PLEKHH1: variants seen among roughly 807,000 people sequenced by gnomAD.
The protein encoded by PLEKHH1 is pleckstrin homology domain-containing family H member 1.
Under a neutral mutation model 160.0 loss-of-function variants are expected in PLEKHH1, and 104 were observed. The ratio of observed to expected loss-of-function variants is 0.65; its 90% CI spans 0.55 to 0.76. The LOEUF is 0.76. PLEKHH1 is among the 30% of genes least tolerant of loss of function. The pLI is 0.00. For synonymous variants in PLEKHH1, 619 were observed against 678.4 expected (o/e 0.91, Z 1.36); for missense variants, 1,427 against 1,724.1 (o/e 0.83, Z 3.05).
Position 67,562,767 on chromosome 14 carries a change from T to G in PLEKHH1, c.1136T>G (p.Met379Arg). The change falls in exon 7 of 29, where the codon ATG becomes AGG. Residue 379 changes from methionine to arginine, a missense_variant. Physicochemically the swap from Met to Arg is moderately conservative, Grantham distance 91 (BLOSUM62 -1). Transcript: ENST00000329153. Reference protein sequence around the residue: ...RSREEPEKMEMEEPPPAGKNE... With the variant: ...RSREEPEKMEREEPPPAGKNE... ...CGGGAGGAACCAGAGAAGATGGAGATGGAGGAGCCACCCCCAGCAGGGAAG... is the reference window on the plus strand; with the variant it reads ...CGGGAGGAACCAGAGAAGATGGAGAGGGAGGAGCCACCCCCAGCAGGGAAG... 6.2e-7 allele frequency: 1 copy of G among 1,613,768 alleles called. No individual in the cohort carries two copies. The highest frequency in any genetic ancestry group is 1.6e-4 in the Middle Eastern group (1 of 6,062).
chr14:67,581,151 T>C (rs74841592), intron 23 of PLEKHH1, 113 bp downstream of exon 23: 3 of 691,422 alleles, frequency 4.3e-6, no homozygotes, highest in Non-Finnish European at 7.8e-6. Flanking sequence ...CCCACAGATA[T>C]AACACTGCCT....
rs1262587120 is a variant in PLEKHH1 at position 67,562,648 on chromosome 14, T to C, written c.1017T>C (p.His339=). Residue 339 remains histidine, a synonymous_variant, in exon 7 of 29, where the codon CAT becomes CAC. Transcript: ENST00000329153. ...ACCACAGCCAGCCCCAGGTGGGCCA[T>C]GGGCACTTTGGCCGTGTGGTGAACA... ...KRHHSQPQVG[H]GHFGRVVNIE... 5 of 1,612,792 alleles carry C rather than the reference T, an allele frequency of 3.1e-6. No homozygotes were observed. In the African/African-American group the frequency reaches 5.3e-5, roughly 17 times the overall value.
At position 67,587,332 on chromosome 14, in the gene PLEKHH1, C is replaced by T. The variant is rs2036220690; in HGVS notation, c.*97C>T. On this transcript the variant is annotated 3_prime_UTR_variant, in exon 29 of 29. Coordinates refer to ENST00000329153, the MANE Select transcript of PLEKHH1 (RefSeq NM_020715.3). ...TACTACTGTGACGGGTCTAACAGCC[C>T]CCGGCTACTCTTGTTCTGTGAAATG... 1.5e-6 allele frequency: 2 copies of T among 1,329,578 alleles called. No individual in the cohort carries two copies. The highest frequency in any genetic ancestry group is 2.3e-5 in the East Asian group (1 of 43,528). 82.4% of individuals were successfully genotyped at this position (1,329,578 alleles called of 1,614,324 possible). A position where few individuals can be genotyped will look rare whatever the true frequency, so the allele number is the denominator to read the frequency against.
chr14:67,588,453 A>ATGTG lies in PLEKHH1; in HGVS notation c.*1219_*1222dup, dbSNP rs552846816. 262 of 152,502 alleles carry ATGTG rather than the reference A, an allele frequency of 1.7e-3. 1 individual carries two copies. Among genetic ancestry groups the ATGTG allele is most frequent in the African/African-American group, 6.0e-3 (251 of 41,556 alleles). The allele number at this position is 152,502 out of a possible 1,614,324, so 9.4% of individuals were successfully genotyped here. The stretch of plus-strand genomic sequence containing the variant: ...AATTAGTTTGAGGGTGAGGGTACAT[A>ATGTG]TGTGACATTTGCCCTAGCCTAAGAG... On this transcript the variant is annotated 3_prime_UTR_variant, in exon 29 of 29. Transcript: ENST00000329153.
chr14:67,572,104 C>T, intron 10 of PLEKHH1, 31 bp from the exon 11 acceptor site: 2 of 1,591,954 alleles, frequency 1.3e-6, no homozygotes, highest in Non-Finnish European at 1.7e-6. Flanking sequence ...AGGTGTGGGA[C>T]CCGGGCCTTG....
At chr14:67,565,860 C>CT (rs2035064713) in intron 7 of PLEKHH1, among the ~76,000 whole-genome samples, 1 of 152,204 alleles carries the variant, frequency 6.6e-6, no homozygotes, top group Non-Finnish European at 1.5e-5. Flanking sequence ...TAGCTTATGC[C>CT]TGTAATCCCA....
In PLEKHH1 at chr14:67,562,046, CAGG is replaced by C; in HGVS notation, c.505+12_505+14del. 1 of 1,612,658 alleles carries C rather than the reference CAGG, an allele frequency of 6.2e-7. No homozygotes were observed. The highest frequency in any genetic ancestry group is 8.5e-7 in the Non-Finnish European group (1 of 1,178,792). On this transcript the variant is annotated intron_variant, in intron 6 of 28. Coordinates refer to ENST00000329153, the MANE Select transcript of PLEKHH1 (RefSeq NM_020715.3). ...AAGATGCGCTAGAAGGTAGGCAGGC[CAGG>C]GTGTGCAGGTGTGCAGTACGTGTGT...
rs754449846 is a variant in PLEKHH1 at position 67,587,139 on chromosome 14, C to G, written c.3999C>G (p.Pro1333=). ...MNHCTTTVNP[P]TNPPGACQLW... ...ATTGCACTACAACTGTGAACCCCCCCACCAACCCACCCGGAGCCTGCCAGC... is the reference window on the plus strand; with the variant it reads ...ATTGCACTACAACTGTGAACCCCCCGACCAACCCACCCGGAGCCTGCCAGC... The change falls in exon 29 of 29, where the codon CCC becomes CCG. Residue 1333 remains proline (P), a synonymous_variant. Transcript: ENST00000329153. The G allele has an allele frequency of 2.5e-6, 4 of 1,613,974 alleles. No individual in the cohort carries two copies. Among genetic ancestry groups the G allele is most frequent in the African/African-American group, 1.3e-5 (1 of 75,040 alleles).
intron 9 of PLEKHH1, chr14:67,571,194 T>TG (rs2035358332): frequency 6.4e-6 from 1 of 155,544 alleles, no homozygotes; most frequent in Admixed American, 6.2e-5. Context: ...TATATCTACA[T>TG]GTGTCTGTAG....
chr14:67,586,792 C>T lies in PLEKHH1; in HGVS notation c.3934-282C>T, dbSNP rs2036187169. The T allele has an allele frequency of 2.2e-6, 3 of 1,391,478 alleles. No homozygotes were observed. In the African/African-American group the frequency reaches 4.3e-5, roughly 20 times the overall value. The allele number at this position is 1,391,478 out of a possible 1,614,324, so 86.2% of individuals were successfully genotyped here. A position where few individuals can be genotyped will look rare whatever the true frequency, so the allele number is the denominator to read the frequency against. On this transcript the variant is annotated intron_variant, in intron 28 of 28. Transcript: ENST00000329153. ...TCTCCAGATCCCTTTCTTAAGAAGGCCCCTTCCCTGGTTGTAGAGCTAACC... is the reference window on the plus strand; with the variant it reads ...TCTCCAGATCCCTTTCTTAAGAAGGTCCCTTCCCTGGTTGTAGAGCTAACC...
intron 18 of PLEKHH1, 110 bp downstream of exon 18, chr14:67,577,524 G>C: frequency 1.4e-6 from 1 of 712,194 alleles, no homozygotes; most frequent in Non-Finnish European, 2.4e-6. Context: ...AGGAAGGGAA[G>C]GAAACTTCCC....
At chr14:67,575,509 C>A in intron 15 of PLEKHH1, 37 bp downstream of exon 15, 1 of 1,325,126 alleles carries the variant, frequency 7.5e-7, no homozygotes, top group Non-Finnish European at 1.1e-6. Flanking sequence ...CACTCTCCTG[C>A]TTCCCCCGAA....
intron 18 of PLEKHH1, among the ~76,000 whole-genome samples, chr14:67,577,668 AGTT>A (rs996544905): frequency 5.1e-4 from 77 of 152,332 alleles, no homozygotes; most frequent in African/African-American, 1.5e-3. Flanking sequence ...CTCCTCCTGT[AGTT>A]AAGCAGAAAA....
intron 1 of PLEKHH1, among the ~76,000 whole-genome samples, chr14:67,536,526 A>G (rs1046282935): frequency 6.6e-6 from 1 of 151,714 alleles, no homozygotes; most frequent in Non-Finnish European, 1.5e-5. Context: ...TTGCCTTCCA[A>G]TGCCTCCTGC....
chr14:67,539,934 G>A (rs2033898203), intron 1 of PLEKHH1, among the ~76,000 whole-genome samples: 1 of 152,174 alleles, frequency 6.6e-6, no homozygotes, highest in South Asian at 2.1e-4. Context: ...TGTATGATGG[G>A]AGAAAAATAC....
rs190066778 is a variant in PLEKHH1, at chr14:67,572,181, C to T, written c.1632C>T (p.Pro544=). The change falls in exon 11 of 29, where the codon CCC becomes CCT. Residue 544 remains proline, a synonymous_variant. Coordinates refer to ENST00000329153, the MANE Select transcript of PLEKHH1 (RefSeq NM_020715.3). ...GCTCCGAGGGTGACTACGCCATCCC[C>T]CCGGACGCCTGCTCACTGGACAGTG... ...SLSSEGDYAI[P]PDACSLDSDY... is the part of the protein sequence containing the mutation. The T allele has an allele frequency of 1.1e-5, 17 of 1,607,982 alleles. No homozygotes were observed. The highest frequency in any genetic ancestry group is 1.6e-4 in the Middle Eastern group (1 of 6,074).
chr14:67,576,561 G>A lies in PLEKHH1; in HGVS notation c.2461+58G>A. The stretch of plus-strand genomic sequence containing the variant: ...GGAGGGTAGTGGCTTGGTGACTATT[G>A]GTCAAGATCCCAAAGAAAGCAGTGT... On this transcript the variant is annotated intron_variant, in intron 17 of 28. Coordinates refer to ENST00000329153, the MANE Select transcript of PLEKHH1 (RefSeq NM_020715.3). The surrounding 1 kb of genome is among the most constrained non-coding windows in gnomAD (Gnocchi z 4.0). The A allele has an allele frequency of 2.3e-6, 2 of 852,026 alleles. No individual in the cohort carries two copies. Among genetic ancestry groups the A allele is most frequent in the South Asian group, 2.8e-5 (2 of 71,332 alleles). 52.8% of individuals were successfully genotyped at this position (852,026 alleles called of 1,614,324 possible). A position where few individuals can be genotyped will look rare whatever the true frequency, so the allele number is the denominator to read the frequency against.
Position 67,576,002 on chromosome 14 carries a change from A to G in PLEKHH1, c.2349A>G (p.Glu783=). The G allele has an allele frequency of 6.2e-7, 1 of 1,609,948 alleles. No homozygotes were observed. The highest frequency in any genetic ancestry group is 8.5e-7 in the Non-Finnish European group (1 of 1,176,912). The change falls in exon 16 of 29, where the codon GAA becomes GAG. Residue 783 remains glutamate, a synonymous_variant. Coordinates refer to ENST00000329153, the MANE Select transcript of PLEKHH1 (RefSeq NM_020715.3). This position sits in a 1 kb window ranked among gnomAD's most constrained non-coding sequence, Gnocchi z 4.0. ...ACCTCCTCATTGGCACCAAGCATGA[A>G]AAGGTAAGGAAGAGGGCTGGGCCTC... ...PTYLLIGTKH[E]KDTWLYHLTV...
chr14:67,569,128 CTT>C lies in PLEKHH1; in HGVS notation c.1264-9_1264-8del, dbSNP rs762061420. The stretch of plus-strand genomic sequence containing the variant: ...CCGGGCCCTGAGCTTCCTGAGACCT[CTT>C]GTTTCAGGAGAGCCGGATCTATGCT... On this transcript the variant is annotated splice_region_variant and splice_polypyrimidine_tract_variant and intron_variant, in intron 7 of 28. Coordinates refer to ENST00000329153, the MANE Select transcript of PLEKHH1 (RefSeq NM_020715.3). 6.2e-7 allele frequency: 1 copy of C among 1,600,572 alleles called. No individual in the cohort carries two copies. Among genetic ancestry groups the C allele is most frequent in the South Asian group, 1.1e-5 (1 of 90,756 alleles).
Sources: gnomAD v4.1 joint callset for allele counts (sites outside exome capture counted in the v4.1 genomes callset) on GRCh38, gnomAD v4.1.1 for gene constraint, Gnocchi (gnomAD v3.1) non-coding constraint, MANE v1.5 for transcripts, NCBI Gene and HGNC (gene_info 2026-07-23, HGNC 2026-07-21) for gene names.